The following CACNA1B variants were observed in gnomAD, a reference collection of about 807,000 sequenced individuals.
CACNA1B encodes calcium voltage-gated channel subunit alpha1 B.
Under a neutral mutation model 247.2 loss-of-function variants are expected in CACNA1B, and 70 were observed. That is an observed-to-expected ratio of 0.28 (90% CI 0.23 to 0.35). CACNA1B has a LOEUF of 0.35. CACNA1B is among the 10% of genes least tolerant of loss of function. CACNA1B has a pLI of 1.00. For missense variants in CACNA1B, 2,367 were observed against 3,197.4 expected (o/e 0.74, Z 6.26); for synonymous variants, 1,231 against 1,294.4 (o/e 0.95, Z 1.05).
intron 42 of CACNA1B, among the ~76,000 whole-genome samples, chr9:138,117,390 C>T (rs2088751886): frequency 6.6e-6 from 1 of 152,148 alleles, no homozygotes; most frequent in South Asian, 2.1e-4. Flanking sequence ...GCCCCCTACC[C>T]CCCGTCCCAG....
chr9:138,107,650 C>A (rs144549546), intron 39 of CACNA1B, among the ~76,000 whole-genome samples: 1 of 152,200 alleles, frequency 6.6e-6, no homozygotes, highest in African/African-American at 2.4e-5. Flanking sequence ...TTGGCCCCTT[C>A]TGTCTGCCTT....
chr9:138,029,919 T>C (rs1338572055), intron 20 of CACNA1B, among the ~76,000 whole-genome samples: 3 of 152,170 alleles, frequency 2.0e-5, no homozygotes, highest in African/African-American at 7.2e-5. Flanking sequence ...CCAGCCCATT[T>C]TCATCAAATT....
Position 137,888,149 on chromosome 9 carries a change from T to G in CACNA1B, c.530+5266T>G. On this transcript the variant is annotated intron_variant, in intron 3 of 46. Coordinates refer to ENST00000371372, the MANE Select transcript of CACNA1B (RefSeq NM_000718.4). The surrounding 1 kb of genome is among the most constrained non-coding windows in gnomAD (Gnocchi z 4.7). ...CCGGAAGCAGTGATCCAGGTGGGAG[T>G]GGTGAGGGTTTGTACCAGGGAGTGG... Among the ~76,000 whole-genome samples the G allele has an allele frequency of 6.7e-6, 1 of 150,338 alleles. No homozygotes were observed. The highest frequency in any genetic ancestry group is 1.5e-5 in the Non-Finnish European group (1 of 67,544).
In CACNA1B at chr9:137,986,752, C is replaced by A. The variant is rs1478298896; in HGVS notation, c.1902-30C>A. ...CGCTGCCTCGCTGCTGACGGGACTGCCACTTCCCAAGCCTTCCTGTTTTCC... is the reference window on the plus strand; with the variant it reads ...CGCTGCCTCGCTGCTGACGGGACTGACACTTCCCAAGCCTTCCTGTTTTCC... On this transcript the variant is annotated intron_variant, in intron 14 of 46. Coordinates refer to ENST00000371372, the MANE Select transcript of CACNA1B (RefSeq NM_000718.4). The surrounding 1 kb of genome is among the most constrained non-coding windows in gnomAD (Gnocchi z 6.0). The A allele has an allele frequency of 7.6e-6, 12 of 1,583,776 alleles. No individual in the cohort carries two copies. The South Asian group carries it at 1.3e-4, about 18-fold the overall frequency.
chr9:138,008,435 G>T (rs1348811301), intron 16 of CACNA1B, among the ~76,000 whole-genome samples: 1 of 152,342 alleles, frequency 6.6e-6, no homozygotes, highest in Admixed American at 6.5e-5. Flanking sequence ...AGGTGTCAGT[G>T]GCTGTGGCTG....
intron 9 of CACNA1B, 56 bp downstream of exon 9, chr9:137,956,883 G>C (rs1589031913): frequency 1.4e-6 from 2 of 1,384,166 alleles, no homozygotes; most frequent in East Asian, 4.6e-5. Context: ...GGCCACGTGG[G>C]TGGTGACACG....
chr9:137,892,439 A>G (rs1351328106), intron 3 of CACNA1B: 4 of 441,272 alleles, frequency 9.1e-6, no homozygotes, highest in Non-Finnish European at 1.8e-5. Flanking sequence ...CTGGTGCATC[A>G]TTGCATCGTG....
chr9:137,921,290 G>A, intron 6 of CACNA1B, among the ~76,000 whole-genome samples: 1 of 151,336 alleles, frequency 6.6e-6, no homozygotes, highest in East Asian at 1.9e-4. Context: ...TAAAGCGTTC[G>A]GAGAACATGG....
chr9:138,023,612 C>G lies in CACNA1B; in HGVS notation c.2869C>G (p.Arg957Gly). 1 of 1,145,278 alleles carries G rather than the reference C, an allele frequency of 8.7e-7. No homozygotes were observed. The allele number at this position is 1,145,278 out of a possible 1,614,324, so 70.9% of individuals were successfully genotyped here. Residue 957 changes from arginine to glycine, a missense_variant, in exon 19 of 47, where the codon CGG becomes GGG. Arg to Gly is a moderately radical substitution (Grantham distance 125, BLOSUM62 -2). This residue lies in a region of CACNA1B where 631 missense variants were observed against 631.1 expected (regional missense o/e 1.00). Transcript: ENST00000371372. ...CAGAKGERRA[R>G]HRGGPRAGPR... ...CGGCGCCAAGGGCGAGCGGCGCGCG[C>G]GGCACCGCGGCGGCCCCCGAGCGGG...
Position 138,009,076 on chromosome 9 carries a change from G to C in CACNA1B, c.2093-934G>C, listed in dbSNP as rs777025178. Reference sequence around the variant, plus strand: ...CAGGGAGGTGAGAGTTCAGGAAAAGGCTGCTTCCAGTGATGGGTGAAGAGT... The same window carrying C: ...CAGGGAGGTGAGAGTTCAGGAAAAGCCTGCTTCCAGTGATGGGTGAAGAGT... On this transcript the variant is annotated intron_variant, in intron 16 of 46. Transcript: ENST00000371372. Among the ~76,000 whole-genome samples the C allele has an allele frequency of 3.9e-5, 6 of 152,244 alleles. No homozygotes were observed. In the East Asian group the frequency reaches 7.7e-4, roughly 20 times the overall value.
chr9:138,076,024 A>G (rs1960306164), intron 35 of CACNA1B, 114 bp downstream of exon 35: 1 of 690,922 alleles, frequency 1.4e-6, no homozygotes, highest in South Asian at 1.7e-5. Flanking sequence ...TAATTCCCCG[A>G]CCCCACTGGC....
In CACNA1B at chr9:137,900,347, G is replaced by A. The variant is rs147622244; in HGVS notation, c.531-12833G>A. Among the ~76,000 whole-genome samples the A allele has an allele frequency of 5.6e-3, 847 of 152,276 alleles. 11 individuals carry two copies. Among genetic ancestry groups the A allele is most frequent in the African/African-American group, 0.02 (814 of 41,544 alleles). On this transcript the variant is annotated intron_variant, in intron 3 of 46. Transcript: ENST00000371372. ...GTTCCAGCCTTCCTCCCCTCTGTGG[G>A]GCTGGGAGCACTCCCCGACCTTGGG... is the stretch of plus-strand genomic sequence containing the variant.
chr9:137,944,272 T>C (rs902388765), intron 6 of CACNA1B, among the ~76,000 whole-genome samples: 3 of 152,126 alleles, frequency 2.0e-5, no homozygotes, highest in South Asian at 2.1e-4. Context: ...CTGGGGCAGA[T>C]TGGATTAGTA....
At chr9:137,901,739 G>A (rs1172380217) in intron 3 of CACNA1B, among the ~76,000 whole-genome samples, 1 of 142,744 alleles carries the variant, frequency 7.0e-6, no homozygotes, top group Non-Finnish European at 1.5e-5. Context: ...GCCCAGGCTA[G>A]AGTGCAGTGG....
At position 138,012,831 on chromosome 9, in the gene CACNA1B, G is replaced by A. The variant is rs988819637; in HGVS notation, c.2161-298G>A. 6.6e-6 allele frequency among the ~76,000 whole-genome samples: 1 copy of A among 152,024 alleles called. No homozygotes were observed. Among genetic ancestry groups the A allele is most frequent in the Non-Finnish European group, 1.5e-5 (1 of 68,004 alleles). On this transcript the variant is annotated intron_variant, in intron 17 of 46. Transcript: ENST00000371372. The surrounding 1 kb of genome is among the most constrained non-coding windows in gnomAD (Gnocchi z 4.2). The stretch of plus-strand genomic sequence containing the variant: ...GTCAGGATAGCACAGAGGTGAGGCC[G>A]TCGCCTCCAGGGAGACGGCACAAGC...
At chr9:138,074,834 T>G (rs2131315096) in intron 34 of CACNA1B, among the ~76,000 whole-genome samples, 1 of 152,332 alleles carries the variant, frequency 6.6e-6, no homozygotes, top group African/African-American at 2.4e-5. Context: ...GTTATCCTGT[T>G]AGTCTGGCAG....
In CACNA1B at chr9:137,993,788, A is replaced by G. The variant is rs140113225; in HGVS notation, c.1974+6934A>G. 3.3e-5 allele frequency among the ~76,000 whole-genome samples: 5 copies of G among 152,318 alleles called. No individual in the cohort carries two copies. The East Asian group carries it at 9.6e-4, about 29-fold the overall frequency. ...AGACATTCAAAGAAGAATTGGTACC[A>G]ATCCTATCGACACTATTCCACAAGG... On this transcript the variant is annotated intron_variant, in intron 15 of 46. Coordinates refer to ENST00000371372, the MANE Select transcript of CACNA1B (RefSeq NM_000718.4).
chr9:138,080,834 C>G (rs141300490), intron 36 of CACNA1B, among the ~76,000 whole-genome samples: 1 of 152,262 alleles, frequency 6.6e-6, no homozygotes, highest in African/African-American at 2.4e-5. Flanking sequence ...GGACTGTGAG[C>G]TTTGCAGGGT....
At chr9:137,989,181 C>G (rs145730237) in intron 15 of CACNA1B, among the ~76,000 whole-genome samples, 1 of 152,150 alleles carries the variant, frequency 6.6e-6, no homozygotes, top group African/African-American at 2.4e-5. Context: ...AAGGGGGAAC[C>G]AGTTAAAAAC....
Sources: allele counts gnomAD v4.1 joint callset (sites outside exome capture counted in the v4.1 genomes callset), GRCh38; gene constraint gnomAD v4.1.1; regional missense constraint gnomAD v4.1.1; non-coding constraint Gnocchi (gnomAD v3.1); transcripts MANE v1.5; gene names NCBI Gene and HGNC (gene_info 2026-07-23, HGNC 2026-07-21).